Variants in B3GALT1 observed in about 807,000 individuals in gnomAD.
The protein encoded by B3GALT1 is beta-1,3-galactosyltransferase 1.
In B3GALT1, 10 loss-of-function variants were observed where a neutral mutation model predicts 23.2. That is an observed-to-expected ratio of 0.43 (90% CI 0.27 to 0.73). The LOEUF is 0.73. B3GALT1 is among the 30% of genes least tolerant of loss of function. The pLI, the probability that B3GALT1 is intolerant of heterozygous loss-of-function variation, is 0.21. For synonymous variants in B3GALT1, 156 were observed against 141.5 expected (o/e 1.10, Z -0.73); for missense variants, 299 against 405.4 (o/e 0.74, Z 2.25).
At chr2:167,514,096 A>G (rs1700067685) in intron 2 of B3GALT1, among the ~76,000 whole-genome samples, 1 of 151,990 alleles carries the variant, frequency 6.6e-6, no homozygotes, top group Admixed American at 6.6e-5. Context: ...TTTAGTAGAA[A>G]CGGGGTTTCA....
intron 1 of B3GALT1, among the ~76,000 whole-genome samples, chr2:167,447,011 T>C (rs1290822904): frequency 1.3e-5 from 2 of 152,232 alleles, no homozygotes; most frequent in Non-Finnish European, 2.9e-5. Context: ...CTTTGGTCTT[T>C]GATGATGGTG....
At chr2:167,514,723 G>A (rs950059599) in intron 2 of B3GALT1, among the ~76,000 whole-genome samples, 1 of 152,180 alleles carries the variant, frequency 6.6e-6, no homozygotes, top group Non-Finnish European at 1.5e-5. Flanking sequence ...GAATCAAGCA[G>A]CTAATCCTGG....
intron 4 of B3GALT1, among the ~76,000 whole-genome samples, chr2:167,854,429 G>C (rs1049766695): frequency 6.6e-6 from 1 of 152,110 alleles, no homozygotes; most frequent in Non-Finnish European, 1.5e-5. Flanking sequence ...TAATTCTTTG[G>C]ACTTGTTTTA....
intron 4 of B3GALT1, among the ~76,000 whole-genome samples, chr2:167,829,873 G>A (rs1318797747): frequency 6.6e-6 from 1 of 152,168 alleles, no homozygotes; most frequent in African/African-American, 2.4e-5. Context: ...GGGGTGCAAA[G>A]CCCATGTAGG....
At chr2:167,554,563 T>C (rs921154462) in intron 2 of B3GALT1, among the ~76,000 whole-genome samples, 1 of 152,192 alleles carries the variant, frequency 6.6e-6, no homozygotes, top group African/African-American at 2.4e-5. Context: ...TTTTCTTCTT[T>C]TTCCTCCCCT....
chr2:167,356,354 G>C (rs1048095204), intron 1 of B3GALT1, among the ~76,000 whole-genome samples: 1 of 152,174 alleles, frequency 6.6e-6, no homozygotes, highest in African/African-American at 2.4e-5. Context: ...TGAAGATGCA[G>C]ATTAGAGCGA....
intron 4 of B3GALT1, among the ~76,000 whole-genome samples, chr2:167,824,190 A>G (rs1350687348): frequency 6.6e-6 from 1 of 152,256 alleles, no homozygotes; most frequent in Non-Finnish European, 1.5e-5. Context: ...GCTGGAGTCT[A>G]GAAAGCAAGG....
chr2:167,867,216 G>T (rs576805902), intron 4 of B3GALT1, among the ~76,000 whole-genome samples: 4 of 152,102 alleles, frequency 2.6e-5, no homozygotes, highest in Non-Finnish European at 4.4e-5. Flanking sequence ...GTGAGCCACC[G>T]CGCCCGGCCG....
intron 2 of B3GALT1, among the ~76,000 whole-genome samples, chr2:167,512,606 A>ATATATATATG (rs1558887850): frequency 2.1e-5 from 2 of 95,320 alleles, no homozygotes; most frequent in African/African-American, 1.4e-4. Flanking sequence ...ATATATATAT[A>ATATATATATG]TGTATATATA....
intron 3 of B3GALT1, among the ~76,000 whole-genome samples, chr2:167,806,037 C>G (rs2105346114): frequency 6.6e-6 from 1 of 152,142 alleles, no homozygotes; most frequent in South Asian, 2.1e-4. Flanking sequence ...TTGAAGAGGT[C>G]CTTCACATCC....
At chr2:167,494,434 C>T (rs184763320) in intron 2 of B3GALT1, among the ~76,000 whole-genome samples, 3 of 151,662 alleles carry the variant, frequency 2.0e-5, no homozygotes, top group African/African-American at 7.3e-5. Context: ...AAGTTAGTAC[C>T]CTCATTCCAA....
chr2:167,419,351 T>A (rs1427562058), intron 1 of B3GALT1, among the ~76,000 whole-genome samples: 2 of 152,212 alleles, frequency 1.3e-5, no homozygotes, highest in African/African-American at 4.8e-5. Flanking sequence ...AACCTTTAAT[T>A]TGTGTTTTTT....
intron 1 of B3GALT1, among the ~76,000 whole-genome samples, chr2:167,465,506 A>G (rs1268853526): frequency 6.6e-6 from 1 of 152,144 alleles, no homozygotes; most frequent in East Asian, 1.9e-4. Flanking sequence ...GTGTCCACAC[A>G]TGGCAGAAAG....
Position 167,634,189 on chromosome 2 carries a change from C to T in B3GALT1, c.-409-12720C>T, listed in dbSNP as rs539634794. On this transcript the variant is annotated intron_variant, in intron 2 of 4. Transcript: ENST00000392690. ...ACAACATAGCAGAATCTCTGGGACA[C>T]AGCTAAAGCAGTGTTTAGAGGGAAG... is the stretch of plus-strand genomic sequence containing the variant. Among the ~76,000 whole-genome samples the T allele has an allele frequency of 2.6e-5, 4 of 152,254 alleles. No individual in the cohort carries two copies. In the South Asian group the frequency reaches 8.3e-4, roughly 32 times the overall value.
chr2:167,355,609 C>G (rs1040984635), intron 1 of B3GALT1, among the ~76,000 whole-genome samples: 6 of 152,086 alleles, frequency 3.9e-5, no homozygotes, highest in Non-Finnish European at 7.4e-5. Flanking sequence ...CAGTATTAGC[C>G]TTTCACCATC....
At chr2:167,514,736 T>A (rs1233265848) in intron 2 of B3GALT1, among the ~76,000 whole-genome samples, 4 of 152,210 alleles carry the variant, frequency 2.6e-5, no homozygotes, top group African/African-American at 9.6e-5. Flanking sequence ...AATCCTGGCT[T>A]CTAACTGGAA....
At chr2:167,551,663 C>T (rs1299262805) in intron 2 of B3GALT1, among the ~76,000 whole-genome samples, 2 of 152,144 alleles carry the variant, frequency 1.3e-5, no homozygotes, top group Admixed American at 6.6e-5. Flanking sequence ...GCAGTCATCT[C>T]CAGTCTGAGG....
chr2:167,512,558 A>ATATATATATGTATATATATG (rs60389556), intron 2 of B3GALT1, among the ~76,000 whole-genome samples: 1 of 85,616 alleles, frequency 1.2e-5, no homozygotes, highest in Non-Finnish European at 2.2e-5. Flanking sequence ...ATATATATGT[A>ATATATATATGTATATATATG]TATATATATG....
chr2:167,649,323 A>C (rs1338696992), intron 3 of B3GALT1, among the ~76,000 whole-genome samples: 1 of 152,098 alleles, frequency 6.6e-6, no homozygotes, highest in East Asian at 1.9e-4. Flanking sequence ...TATAACATAA[A>C]ATTAACCATT....
Sources: gnomAD v4.1 joint callset for allele counts (sites outside exome capture counted in the v4.1 genomes callset) on GRCh38, gnomAD v4.1.1 for gene constraint, MANE v1.5 for transcripts, NCBI Gene and HGNC (gene_info 2026-07-23, HGNC 2026-07-21) for gene names.